ALK: variants seen among roughly 807,000 people sequenced by gnomAD.
The protein encoded by ALK is ALK receptor tyrosine kinase, also known as ALK tyrosine kinase receptor.
ALK carries 74 observed loss-of-function variants against 163.1 expected under a neutral mutation model. The observed-to-expected ratio is 0.45, with a 90% CI of 0.38 to 0.55. The LOEUF (loss-of-function observed/expected upper bound fraction) is 0.55. ALK is among the 20% of genes least tolerant of loss of function. The pLI is 0.00. For missense variants in ALK, 2,063 were observed against 2,105.3 expected (o/e 0.98, Z 0.39); for synonymous variants, 960 against 843.2 (o/e 1.14, Z -2.40).
chr2:29,887,158 A>T (rs1667005072), intron 1 of ALK, among the ~76,000 whole-genome samples: 2 of 152,216 alleles, frequency 1.3e-5, no homozygotes, highest in Admixed American at 6.5e-5. Context: ...CCATAGTTAC[A>T]AAATTCAGGC....
chr2:29,471,387 GACAAAGTATTA>G (rs1671343171), intron 4 of ALK, among the ~76,000 whole-genome samples: 1 of 152,176 alleles, frequency 6.6e-6, no homozygotes, highest in African/African-American at 2.4e-5. Context: ...AAAAGTTCTA[GACAAAGTATTA>G]ACAGATCGGT....
chr2:29,438,915 C>T (rs1360552945), intron 4 of ALK, among the ~76,000 whole-genome samples: 1 of 152,160 alleles, frequency 6.6e-6, no homozygotes, highest in African/African-American at 2.4e-5. Flanking sequence ...GCCAGTTCTT[C>T]CCTAGGGCTC....
chr2:29,789,546 A>G (rs922683670), intron 1 of ALK, among the ~76,000 whole-genome samples: 2 of 152,220 alleles, frequency 1.3e-5, no homozygotes, highest in Non-Finnish European at 2.9e-5. Context: ...AATTACCCCG[A>G]TTATTTCCTG....
In ALK at chr2:29,222,610, G is replaced by A. The variant is rs1464715041; in HGVS notation, c.3360-3C>T. On this transcript the variant is annotated splice_polypyrimidine_tract_variant and splice_region_variant and intron_variant, in intron 20 of 28. Transcript: ENST00000389048. Reference sequence around the variant, plus strand: ...CAAAGGCGCCATGGCCCAGACCCCTGTGCAAAGGAGAAGACAAGAGGAGAC... The same window carrying A: ...CAAAGGCGCCATGGCCCAGACCCCTATGCAAAGGAGAAGACAAGAGGAGAC... 4 of 1,613,354 alleles carry A rather than the reference G, an allele frequency of 2.5e-6. No homozygotes were observed. The highest frequency in any genetic ancestry group is 1.7e-4 in the Middle Eastern group (1 of 5,946).
chr2:29,359,823 C>T (rs1668346239), intron 5 of ALK, among the ~76,000 whole-genome samples: 1 of 152,196 alleles, frequency 6.6e-6, no homozygotes, highest in Non-Finnish European at 1.5e-5. Context: ...GAAGATAATT[C>T]CACCTAACAC....
intron 1 of ALK, among the ~76,000 whole-genome samples, chr2:29,778,204 G>A (rs777241794): frequency 1.5e-4 from 23 of 152,206 alleles, no homozygotes; most frequent in South Asian, 1.0e-3. Flanking sequence ...ATTAGGATGC[G>A]CTCTGCAGTC....
intron 1 of ALK, among the ~76,000 whole-genome samples, chr2:29,816,635 C>G (rs939690368): frequency 2.0e-5 from 3 of 152,178 alleles, no homozygotes; most frequent in African/African-American, 7.2e-5. Context: ...GGAGGCTGTC[C>G]AGTGTTGGAA....
intron 1 of ALK, among the ~76,000 whole-genome samples, chr2:29,866,000 T>C (rs1375722194): frequency 6.6e-6 from 1 of 152,164 alleles, no homozygotes; most frequent in Non-Finnish European, 1.5e-5. Flanking sequence ...AGCCCATGCT[T>C]GAAGGGAGTT....
intron 5 of ALK, among the ~76,000 whole-genome samples, 172 bp downstream of exon 5, chr2:29,383,560 A>C (rs995118009): frequency 6.6e-6 from 1 of 152,010 alleles, no homozygotes; most frequent in Non-Finnish European, 1.5e-5. Context: ...CAAGTGATCC[A>C]CCCGTCTCGG....
At chr2:29,415,267 G>A (rs912450270) in intron 4 of ALK, among the ~76,000 whole-genome samples, 2 of 151,572 alleles carry the variant, frequency 1.3e-5, no homozygotes, top group African/African-American at 2.4e-5. Context: ...CTATCTTCAC[G>A]ATCTTCCAAA....
intron 4 of ALK, among the ~76,000 whole-genome samples, chr2:29,391,297 CT>C (rs1553310349): frequency 8.7e-5 from 4 of 45,754 alleles, no homozygotes; most frequent in African/African-American, 3.0e-4. Flanking sequence ...TTCCTAGCCT[CT>C]TTTTTTTGGG....
intron 2 of ALK, among the ~76,000 whole-genome samples, chr2:29,706,229 C>G (rs1678908377): frequency 6.6e-6 from 1 of 152,226 alleles, no homozygotes; most frequent in Admixed American, 6.5e-5. Context: ...AACTCTCTAA[C>G]TTCACTCTAG....
At chr2:29,764,052 C>G (rs1286602359) in intron 1 of ALK, among the ~76,000 whole-genome samples, 1 of 152,204 alleles carries the variant, frequency 6.6e-6, no homozygotes, top group Non-Finnish European at 1.5e-5. Flanking sequence ...ATCCTGTGAC[C>G]TCCTGTGGTC....
intron 4 of ALK, among the ~76,000 whole-genome samples, chr2:29,516,796 T>C (rs1437044871): frequency 2.6e-5 from 4 of 152,220 alleles, no homozygotes; most frequent in South Asian, 2.1e-4. Flanking sequence ...GTCCAGCATA[T>C]AGTAAGTGCT....
intron 18 of ALK, 42 bp from the exon 19 acceptor site, chr2:29,225,607 G>A (rs763224787): frequency 6.5e-7 from 1 of 1,536,078 alleles, no homozygotes. Context: ...ACCACACCAG[G>A]TCTCCTTTGA....
intron 3 of ALK, among the ~76,000 whole-genome samples, chr2:29,586,912 G>A (rs1296077240): frequency 1.3e-5 from 2 of 152,168 alleles, no homozygotes; most frequent in Non-Finnish European, 2.9e-5. Context: ...TTTTGAAGAT[G>A]TTTAGCTGAG....
chr2:29,601,471 G>C (rs1675378645), intron 3 of ALK, among the ~76,000 whole-genome samples: 1 of 152,040 alleles, frequency 6.6e-6, no homozygotes, highest in African/African-American at 2.4e-5. Context: ...CAGGGGAGGG[G>C]CCGGGGCTGT....
rs528586419 is a variant in ALK, at chr2:29,491,618, T to C, written c.1154+40297A>G. ...CAAAATTGGAAAACAATTCAACAAA[T>C]TGAGGAGAGGAGTGTCTCAGCAAGG... On this transcript the variant is annotated intron_variant, in intron 4 of 28. Coordinates refer to ENST00000389048, the MANE Select transcript of ALK (RefSeq NM_004304.5). Among the ~76,000 whole-genome samples, 3 of 152,272 alleles carry C rather than the reference T, an allele frequency of 2.0e-5. No homozygotes were observed. In the South Asian group the frequency reaches 6.2e-4, roughly 32 times the overall value.
chr2:29,915,037 T>C (rs960146729), intron 1 of ALK, among the ~76,000 whole-genome samples: 6 of 152,202 alleles, frequency 3.9e-5, no homozygotes, highest in African/African-American at 1.4e-4. Context: ...AATTGTAAAG[T>C]TCCAAATAAC....
Sources: gnomAD v4.1 joint callset for allele counts (sites outside exome capture counted in the v4.1 genomes callset) on GRCh38, gnomAD v4.1.1 for gene constraint, MANE v1.5 for transcripts, NCBI Gene and HGNC (gene_info 2026-07-23, HGNC 2026-07-21) for gene names.